The following ATP9A variants were observed in gnomAD, a reference collection of about 807,000 sequenced individuals.
ATP9A encodes probable phospholipid-transporting ATPase IIA.
Under a neutral mutation model 144.1 loss-of-function variants are expected in ATP9A, and 52 were observed. The observed-to-expected ratio is 0.36, with a 90% CI of 0.29 to 0.45. The LOEUF (loss-of-function observed/expected upper bound fraction) is 0.45. Ranked by LOEUF, ATP9A falls within the 20% of genes least tolerant of loss-of-function variation. The pLI, the probability that ATP9A is intolerant of heterozygous loss-of-function variation, is 1.00. For synonymous variants in ATP9A, 582 were observed against 557.4 expected (o/e 1.04, Z -0.62); for missense variants, 947 against 1,392.7 (o/e 0.68, Z 5.09).
At chr20:51,678,162 C>T (rs1407720814) in intron 9 of ATP9A, among the ~76,000 whole-genome samples, 2 of 151,918 alleles carry the variant, frequency 1.3e-5, no homozygotes, top group South Asian at 2.1e-4. Flanking sequence ...GGGGGGCAGG[C>T]AGTTTGTACT....
chr20:51,635,586 A>G (rs975540925), intron 15 of ATP9A, among the ~76,000 whole-genome samples: 1 of 151,694 alleles, frequency 6.6e-6, no homozygotes, highest in Non-Finnish European at 1.5e-5. Context: ...AAACGATAAG[A>G]ATTAGCAGAG....
chr20:51,695,254 C>T (rs1224270803), intron 6 of ATP9A, among the ~76,000 whole-genome samples: 1 of 151,852 alleles, frequency 6.6e-6, no homozygotes, highest in Non-Finnish European at 1.5e-5. Context: ...TTTGGGAGGC[C>T]AATGGATCAC....
intron 12 of ATP9A, among the ~76,000 whole-genome samples, chr20:51,670,487 C>T (rs1001950374): frequency 2.6e-5 from 4 of 152,276 alleles, no homozygotes; most frequent in African/African-American, 7.2e-5. Flanking sequence ...AATGGCAGAG[C>T]CCTACAGAGA....
chr20:51,766,327 C>A (rs552133634), intron 1 of ATP9A, among the ~76,000 whole-genome samples: 2 of 152,290 alleles, frequency 1.3e-5, no homozygotes, highest in Admixed American at 6.5e-5. Context: ...GGTCAGGACA[C>A]CCACACCTGT....
chr20:51,616,388 G>A (rs117669936), intron 22 of ATP9A, among the ~76,000 whole-genome samples: 2,913 of 152,150 alleles, frequency 0.019, 44 homozygotes, highest in Middle Eastern at 0.041. Context: ...GCTCAATCTC[G>A]ATTCACTGCA....
At chr20:51,657,252 C>A in intron 13 of ATP9A, 102 bp from the exon 14 acceptor site, 1 of 914,794 alleles carries the variant, frequency 1.1e-6, no homozygotes, top group Non-Finnish European at 1.7e-6. Context: ...TCTACTGTTC[C>A]AACACACAGA....
chr20:51,608,659 G>T, intron 24 of ATP9A, 33 bp from the exon 25 acceptor site: 1 of 1,407,144 alleles, frequency 7.1e-7, no homozygotes, highest in Non-Finnish European at 1.0e-6. Flanking sequence ...GTAAGACCTG[G>T]CTGACGCGAT....
At chr20:51,709,673 G>A (rs2077629599) in intron 4 of ATP9A, among the ~76,000 whole-genome samples, 1 of 152,164 alleles carries the variant, frequency 6.6e-6, no homozygotes, top group African/African-American at 2.4e-5. Flanking sequence ...GTTGCAGTGA[G>A]TCCAGGTCCC....
intron 15 of ATP9A, among the ~76,000 whole-genome samples, chr20:51,631,601 T>A (rs890037707): frequency 1.3e-5 from 2 of 152,194 alleles, no homozygotes; most frequent in African/African-American, 4.8e-5. Flanking sequence ...GTTCCCATAT[T>A]ATGGCAAGAT....
chr20:51,727,322 A>C (rs1293282153), intron 2 of ATP9A, among the ~76,000 whole-genome samples: 4 of 151,932 alleles, frequency 2.6e-5, no homozygotes, highest in African/African-American at 9.7e-5. Context: ...GTGGTGGTAC[A>C]TGCCTGTAAT....
intron 19 of ATP9A, among the ~76,000 whole-genome samples, chr20:51,620,425 C>T (rs1457984192): frequency 6.6e-6 from 1 of 152,146 alleles, no homozygotes; most frequent in African/African-American, 2.4e-5. Flanking sequence ...AGGGGAAATA[C>T]AGGGTTAGGT....
chr20:51,655,552 G>A (rs569552138), intron 14 of ATP9A, among the ~76,000 whole-genome samples: 48 of 152,278 alleles, frequency 3.2e-4, no homozygotes, highest in African/African-American at 1.1e-3. Context: ...GGGGCCATCC[G>A]GAAAATACAA....
chr20:51,667,578 G>C (rs1253265707), intron 13 of ATP9A, among the ~76,000 whole-genome samples: 1 of 152,102 alleles, frequency 6.6e-6, no homozygotes, highest in Non-Finnish European at 1.5e-5. Context: ...AAGGGGAGGG[G>C]ATGAAGACCA....
chr20:51,739,421 G>A (rs994921467), intron 1 of ATP9A, among the ~76,000 whole-genome samples: 2 of 145,170 alleles, frequency 1.4e-5, no homozygotes, highest in African/African-American at 2.6e-5. Context: ...ACACAATCTC[G>A]GCTCACTGCA....
At chr20:51,753,487 C>CAAAA (rs112099298) in intron 1 of ATP9A, among the ~76,000 whole-genome samples, 186 of 147,256 alleles carry the variant, frequency 1.3e-3, no homozygotes, top group African/African-American at 4.6e-3. Context: ...ACAACAACAA[C>CAAAA]AAACCCACGT....
intron 14 of ATP9A, among the ~76,000 whole-genome samples, chr20:51,648,055 G>A (rs531712020): frequency 5.3e-5 from 8 of 152,324 alleles, no homozygotes; most frequent in Non-Finnish European, 8.8e-5. Context: ...TCATGGCAAC[G>A]TGGTGGTAAA....
chr20:51,729,295 G>T (rs1268107239), intron 2 of ATP9A, among the ~76,000 whole-genome samples: 8 of 151,972 alleles, frequency 5.3e-5, no homozygotes, highest in Non-Finnish European at 1.2e-4. Context: ...TGAGCAGGTG[G>T]GGTCACAGCC....
intron 7 of ATP9A, among the ~76,000 whole-genome samples, chr20:51,692,538 G>A (rs769702011): frequency 2.6e-5 from 4 of 152,132 alleles, no homozygotes; most frequent in Admixed American, 1.3e-4. Flanking sequence ...GTGGTGGCTC[G>A]TGCCTGTAAC....
At chr20:51,731,719 C>CA (rs59560813) in intron 1 of ATP9A, among the ~76,000 whole-genome samples, 21,880 of 137,632 alleles carry the variant, frequency 0.16, 2,316 homozygotes, top group African/African-American at 0.32. Flanking sequence ...ACTCCATCTC[C>CA]AAAAAAAAAA....
Sources: allele counts gnomAD v4.1 joint callset (sites outside exome capture counted in the v4.1 genomes callset), GRCh38; gene constraint gnomAD v4.1.1; transcripts MANE v1.5; gene names NCBI Gene and HGNC (gene_info 2026-07-23, HGNC 2026-07-21).